The following KHNYN variants were observed in gnomAD, a reference collection of about 807,000 sequenced individuals.
KHNYN encodes KH and NYN domain containing.
A neutral mutation model predicts 62.7 loss-of-function variants in KHNYN; 42 were observed. The ratio of observed to expected loss-of-function variants is 0.67; its 90% CI spans 0.52 to 0.87. The LOEUF is 0.87. Among genes scored for constraint, KHNYN ranks in the 40% least tolerant of loss-of-function variants. The probability of loss-of-function intolerance (pLI) is 0.00; values close to 1 mark genes in which losing one functional copy is unlikely to be tolerated. For missense variants in KHNYN, 829 were observed against 874.1 expected (o/e 0.95, Z 0.65); for synonymous variants, 347 against 345.6 (o/e 1.00, Z -0.04).
At chr14:24,428,445 GC>G, upstream of KHNYN, 1 of 1,610,914 alleles carries the variant, frequency 6.2e-7, no homozygotes, top group Non-Finnish European at 8.5e-7. Flanking sequence ...CTCAGGAAAT[GC>G]CCATGGCTCA....
upstream of KHNYN, among the ~76,000 whole-genome samples, chr14:24,425,002 C>A (rs780748226): frequency 6.6e-6 from 1 of 152,132 alleles, no homozygotes; most frequent in African/African-American, 2.4e-5. Context: ...GAGTTTGATA[C>A]CAGCCTGGAC....
rs920027191 is a variant in KHNYN, at chr14:24,440,710, C to T, written c.*3425C>T. 7.1e-6 allele frequency: 11 copies of T among 1,554,298 alleles called. No individual in the cohort carries two copies. The highest frequency in any genetic ancestry group is 8.8e-6 in the Non-Finnish European group (10 of 1,137,130). The stretch of plus-strand genomic sequence containing the variant: ...TCACTCTGTAATTGTAATCTCAGCT[C>T]TCCTAATCCCATCACTTCCCCAGCC... On this transcript the variant is annotated 3_prime_UTR_variant, in exon 8 of 8. Coordinates refer to ENST00000553935, the MANE Select transcript of KHNYN (RefSeq NM_015299.3).
At chr14:24,433,184 T>A in intron 5 of KHNYN, 152 bp downstream of exon 5, 1 of 685,742 alleles carries the variant, frequency 1.5e-6, no homozygotes, top group Non-Finnish European at 2.5e-6. Flanking sequence ...TATGATTGGG[T>A]AGGTAAACCT....
upstream of KHNYN, among the ~76,000 whole-genome samples, chr14:24,424,345 A>G (rs962118241): frequency 2.6e-5 from 4 of 152,310 alleles, no homozygotes; most frequent in South Asian, 2.1e-4. Context: ...TTTATCTTGT[A>G]TATATCATGG....
At chr14:24,427,416 C>T, upstream of KHNYN, 1 of 230,378 alleles carries the variant, frequency 4.3e-6, no homozygotes, top group Non-Finnish European at 8.7e-6. The surrounding 1 kb of genome is among the most constrained non-coding windows in gnomAD (Gnocchi z 4.4). Context: ...GCCTGTCAGG[C>T]TCACCTGCGC....
intron 2 of KHNYN, 73 bp downstream of exon 2, chr14:24,431,004 G>T: frequency 3.6e-6 from 5 of 1,400,428 alleles, no homozygotes; most frequent in Non-Finnish European, 4.9e-6. Flanking sequence ...GAGCAGGGCC[G>T]AGGAGAGCAG....
Position 24,432,971 on chromosome 14 carries a change from C to T in KHNYN, c.1516C>T (p.Leu506=). 6.2e-7 allele frequency: 1 copy of T among 1,614,202 alleles called. No homozygotes were observed. Among genetic ancestry groups the T allele is most frequent in the Non-Finnish European group, 8.5e-7 (1 of 1,180,030 alleles). The change falls in exon 5 of 8, where the codon CTG becomes TTG. Residue 506 remains leucine, a synonymous_variant. Transcript: ENST00000553935. This position sits in a 1 kb window ranked among gnomAD's most constrained non-coding sequence, Gnocchi z 5.6. The part of the protein sequence containing the change: ...HFLQKLYSLS[L]LSLTPSRVMD... ...CCTGCAAAAGCTGTATTCCCTCAGC[C>T]TGCTCTCCCTCACACCCTCACGAGT...
rs369007757 is a variant in KHNYN at position 24,432,704 on chromosome 14, G to A, written c.1350-18G>A. On this transcript the variant is annotated intron_variant, in intron 3 of 7. Coordinates refer to ENST00000553935, the MANE Select transcript of KHNYN (RefSeq NM_015299.3). The surrounding 1 kb of genome is among the most constrained non-coding windows in gnomAD (Gnocchi z 5.6). ...AGGGTGCCAAGCCCCTCCTCTGGCCGACCCCCTCCCACTACAGGCATGGCC... is the reference window on the plus strand; with the variant it reads ...AGGGTGCCAAGCCCCTCCTCTGGCCAACCCCCTCCCACTACAGGCATGGCC... The A allele has an allele frequency of 9.3e-6, 15 of 1,613,914 alleles. No individual in the cohort carries two copies. Among genetic ancestry groups the A allele is most frequent in the Middle Eastern group, 1.6e-4 (1 of 6,084 alleles).
chr14:24,441,701 TG>T lies in KHNYN; in HGVS notation c.*4422del. On this transcript the variant is annotated 3_prime_UTR_variant, in exon 8 of 8. Coordinates refer to ENST00000553935, the MANE Select transcript of KHNYN (RefSeq NM_015299.3). ...ACACCTGTGACTAAGACCCAGGCCT[TG>T]GGGGGTTGTGGGGCTTTGGTGATGG... 2 of 1,593,486 alleles carry T rather than the reference TG, an allele frequency of 1.3e-6. No individual in the cohort carries two copies. The highest frequency in any genetic ancestry group is 1.7e-6 in the Non-Finnish European group (2 of 1,173,948).
At chr14:24,428,394 G>T (rs768319001), upstream of KHNYN, 3 of 1,613,884 alleles carry the variant, frequency 1.9e-6, no homozygotes, top group South Asian at 1.1e-5. Context: ...CACCGCCCTC[G>T]TTCACCAGGA....
At position 24,432,798 on chromosome 14, in the gene KHNYN, G is replaced by A; in HGVS notation, c.1426G>A (p.Asp476Asn). 1 of 1,614,226 alleles carries A rather than the reference G, an allele frequency of 6.2e-7. No individual in the cohort carries two copies. Among genetic ancestry groups the A allele is most frequent in the Non-Finnish European group, 8.5e-7 (1 of 1,180,046 alleles). ...GTACTTCTGGGACCGTGGTCACCGT[G>A]ACATAACTGTCTTTGTGCCTCAGTG... ...VQYFWDRGHR[D>N]ITVFVPQWRF... The change falls in exon 4 of 8, where the codon GAC becomes AAC. Residue 476 changes from aspartate (D) to asparagine (N), a missense_variant. Asp to Asn is a conservative substitution (Grantham distance 23). Coordinates refer to ENST00000553935, the MANE Select transcript of KHNYN (RefSeq NM_015299.3). This position sits in a 1 kb window ranked among gnomAD's most constrained non-coding sequence, Gnocchi z 5.6.
At chr14:24,428,505 G>C (rs1252242470), upstream of KHNYN, 51 of 1,421,146 alleles carry the variant, frequency 3.6e-5, no homozygotes, top group Non-Finnish European at 4.8e-5. Context: ...TGAATAGAAG[G>C]AGTGGCAAGT....
intron 2 of KHNYN, 36 bp from the exon 3 acceptor site, chr14:24,431,427 G>A (rs1179854248): frequency 6.6e-7 from 1 of 1,523,106 alleles, no homozygotes; most frequent in Non-Finnish European, 8.9e-7. Flanking sequence ...GGGCCAGTTA[G>A]TTTACTTTTC....
Position 24,440,159 on chromosome 14 carries a change from G to C in KHNYN, c.*2874G>C. 6.2e-7 allele frequency: 1 copy of C among 1,613,718 alleles called. No individual in the cohort carries two copies. The highest frequency in any genetic ancestry group is 8.5e-7 in the Non-Finnish European group (1 of 1,179,698). ...GTAGCCAGTGGCCAGTGTTCGCTGT[G>C]GGATCACCTTCTGGCCCTCCAGCAG... On this transcript the variant is annotated 3_prime_UTR_variant, in exon 8 of 8. Transcript: ENST00000553935.
At position 24,432,950 on chromosome 14, in the gene KHNYN, C is replaced by A. The variant is rs1394155227; in HGVS notation, c.1495C>A (p.Gln499Lys). 2 of 1,614,162 alleles carry A rather than the reference C, an allele frequency of 1.2e-6. No individual in the cohort carries two copies. The highest frequency in any genetic ancestry group is 1.7e-6 in the Non-Finnish European group (2 of 1,180,004). The change falls in exon 5 of 8, where the codon CAA becomes AAA. Residue 499 changes from glutamine (Q) to lysine (K), a missense_variant. This residue lies in a region of KHNYN where 270 missense variants were observed against 347.1 expected (regional missense o/e 0.78). Coordinates refer to ENST00000553935, the MANE Select transcript of KHNYN (RefSeq NM_015299.3). This position sits in a 1 kb window ranked among gnomAD's most constrained non-coding sequence, Gnocchi z 5.6. ...TTTTTCAATAGAGAGTCACTTCCTG[C>A]AAAAGCTGTATTCCCTCAGCCTGCT... Reference protein sequence around the residue: ...DAKVRESHFLQKLYSLSLLSL... With the variant: ...DAKVRESHFLKKLYSLSLLSL...
chr14:24,437,152 CAG>C lies in KHNYN; in HGVS notation c.1907_1908del (p.Glu636AlafsTer35). 4 of 1,614,190 alleles carry C rather than the reference CAG, an allele frequency of 2.5e-6. No individual in the cohort carries two copies. Among genetic ancestry groups the C allele is most frequent in the Non-Finnish European group, 2.5e-6 (3 of 1,180,030 alleles). On this transcript the variant is annotated frameshift_variant, in exon 8 of 8. Transcript: ENST00000553935. LOFTEE classifies it high-confidence loss of function. This position sits in a 1 kb window ranked among gnomAD's most constrained non-coding sequence, Gnocchi z 5.5. ...GGTGGCATTCGGAAGACCCGGGAAA[CAG>C]AGCGGCTCCGGCGGCAGCTGCTGGA...
chr14:24,423,721 G>A, the KHNYN span, among the ~76,000 whole-genome samples: 1 of 152,236 alleles, frequency 6.6e-6, no homozygotes, highest in East Asian at 1.9e-4. Context: ...GATGTGGCTG[G>A]AGGCCATGGA....
At chr14:24,435,661 A>T (rs546071443) in intron 5 of KHNYN, 2 of 202,338 alleles carry the variant, frequency 9.9e-6, no homozygotes, top group African/African-American at 4.7e-5. Context: ...CTTACTGTTT[A>T]CTAACGAGGC....
chr14:24,432,331 T>C lies in KHNYN; in HGVS notation c.1070T>C (p.Val357Ala). 6.2e-7 allele frequency: 1 copy of C among 1,613,776 alleles called. No individual in the cohort carries two copies. The highest frequency in any genetic ancestry group is 8.5e-7 in the Non-Finnish European group (1 of 1,179,928). The part of the protein sequence containing the change: ...LHNGNASPPR[V>A]PSPPPAPEPP... ...AATGGGAATGCCTCTCCTCCGAGGG[T>C]GCCCAGCCCTCCACCTGCACCGGAA... Residue 357 changes from valine to alanine, a missense_variant, in exon 3 of 8, where the codon GTG (valine) becomes GCG (alanine). Val to Ala is a moderately conservative substitution (Grantham distance 64). Transcript: ENST00000553935. This position sits in a 1 kb window ranked among gnomAD's most constrained non-coding sequence, Gnocchi z 5.6.
Sources: gnomAD v4.1 joint callset for allele counts (sites outside exome capture counted in the v4.1 genomes callset) on GRCh38, gnomAD v4.1.1 for gene constraint, gnomAD v4.1.1 regional missense constraint, Gnocchi (gnomAD v3.1) non-coding constraint, MANE v1.5 for transcripts, NCBI Gene and HGNC (gene_info 2026-07-23, HGNC 2026-07-21) for gene names.